The following KAT6A variants were observed in gnomAD, a reference collection of about 807,000 sequenced individuals.
KAT6A encodes the protein histone acetyltransferase KAT6A.
A neutral mutation model predicts 198.4 loss-of-function variants in KAT6A; 9 were observed. The observed-to-expected ratio is 0.05, with a 90% CI of 0.03 to 0.08. The LOEUF is 0.08. Among genes scored for constraint, KAT6A ranks in the 10% least tolerant of loss-of-function variants. The pLI, the probability that KAT6A is intolerant of heterozygous loss-of-function variation, is 1.00. For synonymous variants in KAT6A, 890 were observed against 883.0 expected (o/e 1.01, Z -0.14); for missense variants, 2,077 against 2,509.9 (o/e 0.83, Z 3.69).
intron 2 of KAT6A, among the ~76,000 whole-genome samples, chr8:41,991,621 T>A (rs558193877): frequency 6.6e-6 from 1 of 152,172 alleles, no homozygotes; most frequent in Non-Finnish European, 1.5e-5. Context: ...TAGAGTTAAA[T>A]TTAAATTAAT....
At chr8:41,989,322 A>T (rs4327851) in intron 2 of KAT6A, among the ~76,000 whole-genome samples, 15,768 of 152,136 alleles carry the variant, frequency 0.1, 1,058 homozygotes, top group East Asian at 0.24. Context: ...CAGCATGGCC[A>T]ACATGGTGAA....
intron 16 of KAT6A, among the ~76,000 whole-genome samples, chr8:41,936,456 C>T (rs1821860705): frequency 6.6e-6 from 1 of 152,100 alleles, no homozygotes; most frequent in East Asian, 1.9e-4. Flanking sequence ...ATTTGCCCAA[C>T]AAAGTAAAAA....
In KAT6A at chr8:42,031,617, C is replaced by CTTTT. The variant is rs11329714; in HGVS notation, c.600+16757_600+16760dup. On this transcript the variant is annotated intron_variant, in intron 2 of 16. Coordinates refer to ENST00000265713, the MANE Select transcript of KAT6A (RefSeq NM_006766.5). ...GAAATAAATATTGAAGGAGCATTCA[C>CTTTT]TTTTTTTTTTTTTTTTTTTTTTTTT... is the stretch of plus-strand genomic sequence containing the variant. 6.6e-4 allele frequency among the ~76,000 whole-genome samples: 43 copies of CTTTT among 65,106 alleles called. 3 individuals are homozygous for CTTTT. The highest frequency in any genetic ancestry group is 2.5e-3 in the African/African-American group (37 of 14,656). 42.7% of individuals were successfully genotyped at this position (65,106 alleles called of 152,430 possible).
In KAT6A at chr8:41,930,316, A is replaced by G. The variant is rs1284409169; in HGVS notation, c.*1889T>C. 1.0e-5 allele frequency: 2 copies of G among 199,204 alleles called. No homozygotes were observed. Among genetic ancestry groups the G allele is most frequent in the Non-Finnish European group, 2.0e-5 (2 of 99,532 alleles). The allele number at this position is 199,204 out of a possible 1,614,324, so 12.3% of individuals were successfully genotyped here. On this transcript the variant is annotated 3_prime_UTR_variant, in exon 17 of 17. Transcript: ENST00000265713. The stretch of plus-strand genomic sequence containing the variant: ...TGAAGATGTAGGGCGATGGCAGCAC[A>G]GTGCACTTTCTACATAGATGACTGG...
intron 2 of KAT6A, among the ~76,000 whole-genome samples, chr8:42,019,502 T>G (rs1480953665): frequency 1.3e-5 from 2 of 152,220 alleles, no homozygotes; most frequent in Non-Finnish European, 2.9e-5. Flanking sequence ...TGCTATCAAA[T>G]ATAGTGTGTT....
intron 2 of KAT6A, among the ~76,000 whole-genome samples, chr8:42,031,010 G>A (rs892146338): frequency 3.3e-5 from 4 of 121,844 alleles, no homozygotes; most frequent in Non-Finnish European, 6.5e-5. Flanking sequence ...AGTATGTTAA[G>A]GTATGCTGCC....
At chr8:42,051,072 T>C (rs967256101) in intron 1 of KAT6A, among the ~76,000 whole-genome samples, 1 of 151,956 alleles carries the variant, frequency 6.6e-6, no homozygotes, top group Non-Finnish European at 1.5e-5. Context: ...TTCCACGCGA[T>C]GGAAACAGAC....
intron 4 of KAT6A, among the ~76,000 whole-genome samples, chr8:41,981,570 C>A (rs1426714081): frequency 6.6e-6 from 1 of 152,152 alleles, no homozygotes; most frequent in African/African-American, 2.4e-5. Flanking sequence ...CTCTGTACTG[C>A]TCAAAGAAAT....
intron 2 of KAT6A, among the ~76,000 whole-genome samples, chr8:41,996,913 T>C (rs2150899796): frequency 6.6e-6 from 1 of 152,304 alleles, no homozygotes; most frequent in East Asian, 1.9e-4. Context: ...TCTAGTAGTG[T>C]ACCACAAAAG....
At chr8:42,031,508 C>T (rs969372843) in intron 2 of KAT6A, among the ~76,000 whole-genome samples, 4 of 150,684 alleles carry the variant, frequency 2.7e-5, no homozygotes, top group Non-Finnish European at 4.4e-5. Flanking sequence ...TAAAAACACT[C>T]TATGGGCATC....
intron 2 of KAT6A, among the ~76,000 whole-genome samples, chr8:42,031,123 C>T (rs919653579): frequency 8.0e-5 from 12 of 150,306 alleles, no homozygotes; most frequent in African/African-American, 2.7e-4. Flanking sequence ...AAGAAACATA[C>T]AGCTCACCGG....
chr8:41,947,904 C>T lies in KAT6A; in HGVS notation c.1749G>A (p.Gly583=). The stretch of plus-strand genomic sequence containing the variant: ...TTTGACAATAAATGGTACTCACATT[C>T]CCATCAACCTAGAGAAATAAACAGA... ...KNNISVFEVD[G]NVSTIYCQNL... is the part of the protein sequence containing the mutation. Residue 583 remains glycine (G), a synonymous_variant, in exon 11 of 17, where the codon GGG becomes GGA. Transcript: ENST00000265713. 1 of 1,597,526 alleles carries T rather than the reference C, an allele frequency of 6.3e-7. No individual in the cohort carries two copies. The highest frequency in any genetic ancestry group is 8.5e-7 in the Non-Finnish European group (1 of 1,175,646).
chr8:41,946,744 G>T, intron 11 of KAT6A, 60 bp from the exon 12 acceptor site: 2 of 1,005,610 alleles, frequency 2.0e-6, no homozygotes, highest in South Asian at 1.3e-5. Flanking sequence ...ATAATAACGT[G>T]AATTAAGAAA....
At position 41,977,275 on chromosome 8, in the gene KAT6A, G is replaced by T; in HGVS notation, c.1096C>A (p.Arg366=). The T allele has an allele frequency of 6.2e-7, 1 of 1,614,004 alleles. No homozygotes were observed. The highest frequency in any genetic ancestry group is 8.5e-7 in the Non-Finnish European group (1 of 1,179,964). ...VRTGPGRGRK[R]KITLSSQSAS... ...GATTGGCTGGAAAGAGTGATTTTTCGTTTCCTACCCCTTCCAGGGCCAGTT... is the reference window on the plus strand; with the variant it reads ...GATTGGCTGGAAAGAGTGATTTTTCTTTTCCTACCCCTTCCAGGGCCAGTT... The change falls in exon 7 of 17, where the codon CGA becomes AGA. Residue 366 remains arginine, a synonymous_variant. Coordinates refer to ENST00000265713, the MANE Select transcript of KAT6A (RefSeq NM_006766.5).
intron 2 of KAT6A, among the ~76,000 whole-genome samples, chr8:42,003,446 T>C (rs1291168218): frequency 1.2e-5 from 1 of 85,856 alleles, no homozygotes. Context: ...TTCAAACCTC[T>C]TTTTTTTTTT....
chr8:42,005,997 G>A (rs1234360130), intron 2 of KAT6A, among the ~76,000 whole-genome samples: 1 of 152,208 alleles, frequency 6.6e-6, no homozygotes, highest in Non-Finnish European at 1.5e-5. Flanking sequence ...AAAAAAGCCT[G>A]AGCTGATCTG....
chr8:41,932,149 AT>A lies in KAT6A; in HGVS notation c.*55del. 7.1e-7 allele frequency: 1 copy of A among 1,408,704 alleles called. No homozygotes were observed. The highest frequency in any genetic ancestry group is 9.3e-7 in the Non-Finnish European group (1 of 1,072,278). The allele number at this position is 1,408,704 out of a possible 1,614,324, so 87.3% of individuals were successfully genotyped here. ...GTCCATTTTTCTCTGGTTTGTCAGT[AT>A]AAAAGGTTCCTTTATTTATATATAT... On this transcript the variant is annotated 3_prime_UTR_variant, in exon 17 of 17. Transcript: ENST00000265713.
Position 41,930,589 on chromosome 8 carries a change from T to C in KAT6A, c.*1616A>G, listed in dbSNP as rs1821479287. ...AATTTAATGCTTACAGATATTTCTC[T>C]AAGCAGTACTTCCCCCTTTTGGATA... On this transcript the variant is annotated 3_prime_UTR_variant, in exon 17 of 17. Coordinates refer to ENST00000265713, the MANE Select transcript of KAT6A (RefSeq NM_006766.5). 1 of 185,408 alleles carries C rather than the reference T, an allele frequency of 5.4e-6. No homozygotes were observed. Among genetic ancestry groups the C allele is most frequent in the African/African-American group, 2.4e-5 (1 of 42,324 alleles). The allele number at this position is 185,408 out of a possible 1,614,324, so 11.5% of individuals were successfully genotyped here.
intron 2 of KAT6A, among the ~76,000 whole-genome samples, chr8:42,023,954 C>T (rs1826674409): frequency 6.6e-6 from 1 of 152,120 alleles, no homozygotes; most frequent in Admixed American, 6.6e-5. Context: ...CCCATCTTTC[C>T]CCACTGGAAA....
Sources: allele counts gnomAD v4.1 joint callset (sites outside exome capture counted in the v4.1 genomes callset), GRCh38; gene constraint gnomAD v4.1.1; transcripts MANE v1.5; gene names NCBI Gene and HGNC (gene_info 2026-07-23, HGNC 2026-07-21).